The following TRIM6 variants were observed in gnomAD, a reference collection of about 807,000 sequenced individuals.
TRIM6 encodes the protein tripartite motif-containing protein 6.
TRIM6 carries 43 observed loss-of-function variants against 51.2 expected under a neutral mutation model. That is an observed-to-expected ratio of 0.84 (90% CI 0.66 to 1.08). The LOEUF is 1.08. Among genes scored for constraint, TRIM6 ranks in the 50% least tolerant of loss-of-function variants. TRIM6 has a pLI of 0.00. For missense variants in TRIM6, 669 were observed against 619.0 expected (o/e 1.08, Z -0.86); for synonymous variants, 215 against 232.4 (o/e 0.93, Z 0.68).
chr11:5,599,925 T>C (rs1847732662), intron 1 of TRIM6, among the ~76,000 whole-genome samples: 1 of 152,108 alleles, frequency 6.6e-6, no homozygotes, highest in Non-Finnish European at 1.5e-5. Flanking sequence ...ATTGCCTCTA[T>C]TATCAAAGGC....
intron 5 of TRIM6, among the ~76,000 whole-genome samples, chr11:5,609,777 G>A (rs1392488300): frequency 6.6e-6 from 1 of 152,136 alleles, no homozygotes; most frequent in African/African-American, 2.4e-5. Flanking sequence ...AAGAAAATTA[G>A]CCAGGCGTGG....
At chr11:5,597,862 T>C (rs558140180) in intron 1 of TRIM6, among the ~76,000 whole-genome samples, 2 of 152,312 alleles carry the variant, frequency 1.3e-5, no homozygotes, top group African/African-American at 4.8e-5. Flanking sequence ...GGAAAGAAGG[T>C]CCTTTATCTA....
Position 5,610,138 on chromosome 11 carries a change from T to A in TRIM6, c.858-7T>A, listed in dbSNP as rs1457719738. 6.2e-7 allele frequency: 1 copy of A among 1,613,880 alleles called. No homozygotes were observed. Among genetic ancestry groups the A allele is most frequent in the Admixed American group, 1.7e-5 (1 of 60,008 alleles). ...GTGTGGGAACTCAGAAGTCCTGTCC[T>A]TTCTAGGAGTGAGTTCTGGACCCTG... is the stretch of plus-strand genomic sequence containing the variant. On this transcript the variant is annotated splice_region_variant and splice_polypyrimidine_tract_variant and intron_variant, in intron 5 of 7. Transcript: ENST00000380097.
chr11:5,610,160 C>T lies in TRIM6; in HGVS notation c.873C>T (p.Thr291=), dbSNP rs763034281. ...TCCTTTCTAGGAGTGAGTTCTGGACCCTGAGGAAGCCAGAAGCTCTCCCTA... is the reference window on the plus strand; with the variant it reads ...TCCTTTCTAGGAGTGAGTTCTGGACTCTGAGGAAGCCAGAAGCTCTCCCTA... ...SDVTERSEFW[T]LRKPEALPTK... The change falls in exon 6 of 8, where the codon ACC becomes ACT. Residue 291 remains threonine, a synonymous_variant. Transcript: ENST00000380097. 2.5e-6 allele frequency: 4 copies of T among 1,613,976 alleles called. No homozygotes were observed. The South Asian group carries it at 3.3e-5, about 13-fold the overall frequency.
intron 1 of TRIM6, among the ~76,000 whole-genome samples, chr11:5,600,590 T>C (rs1006098137): frequency 7.9e-5 from 12 of 152,196 alleles, no homozygotes; most frequent in African/African-American, 2.9e-4. Context: ...AAGGGGAGTG[T>C]TGTTATTGGG....
At chr11:5,602,581 G>A (rs777003016) in intron 1 of TRIM6, among the ~76,000 whole-genome samples, 4 of 151,850 alleles carry the variant, frequency 2.6e-5, no homozygotes, top group South Asian at 2.1e-4. Flanking sequence ...TTTACATCAC[G>A]AACGACAAAT....
At chr11:5,604,105 C>T (rs574566785) in intron 2 of TRIM6, among the ~76,000 whole-genome samples, 126 of 152,272 alleles carry the variant, frequency 8.3e-4, no homozygotes, top group Non-Finnish European at 8.1e-4. Context: ...AAGCAGTTCT[C>T]GTGCCTGGCC....
chr11:5,610,678 A>T, intron 7 of TRIM6, 99 bp from the exon 8 acceptor site: 1 of 1,568,402 alleles, frequency 6.4e-7, no homozygotes, highest in African/African-American at 1.4e-5. Flanking sequence ...CCCGCCATAT[A>T]GTTCCAGTTC....
intron 1 of TRIM6, among the ~76,000 whole-genome samples, chr11:5,602,314 G>T (rs928057504): frequency 3.3e-5 from 5 of 151,964 alleles, no homozygotes; most frequent in Non-Finnish European, 5.9e-5. Flanking sequence ...ATAGTGGCAG[G>T]CACCTGTAAT....
In TRIM6 at chr11:5,596,741, G is replaced by A; in HGVS notation, c.-157G>A. 8.6e-7 allele frequency: 1 copy of A among 1,158,090 alleles called. No individual in the cohort carries two copies. Among genetic ancestry groups the A allele is most frequent in the Non-Finnish European group, 1.2e-6 (1 of 802,588 alleles). 71.7% of individuals were successfully genotyped at this position (1,158,090 alleles called of 1,614,324 possible). A position where few individuals can be genotyped will look rare whatever the true frequency, so the allele number is the denominator to read the frequency against. ...AGGGATCCCCTGCCTTTCTCGGAAC[G>A]GAACGGAGCAGAGTCGTGCGTGGTT... is the stretch of plus-strand genomic sequence containing the variant. On this transcript the variant is annotated 5_prime_UTR_variant, in exon 1 of 8. Coordinates refer to ENST00000380097, the MANE Select transcript of TRIM6 (RefSeq NM_001003818.3).
In TRIM6 at chr11:5,603,675, G is replaced by T; in HGVS notation, c.447G>T (p.Arg149=). 1 of 1,613,420 alleles carries T rather than the reference G, an allele frequency of 6.2e-7. No individual in the cohort carries two copies. The highest frequency in any genetic ancestry group is 8.5e-7 in the Non-Finnish European group (1 of 1,179,946). The change falls in exon 2 of 8, where the codon CGG becomes CGT. Residue 149 remains arginine, a synonymous_variant. Coordinates refer to ENST00000380097, the MANE Select transcript of TRIM6 (RefSeq NM_001003818.3). ...DGKVICWLCE[R]SQEHRGHHTF... ...AGGTCATTTGCTGGCTTTGTGAGCG[G>T]TCTCAGGAGCACCGTGGTCACCACA...
rs138509220 is a variant in TRIM6 at position 5,603,518 on chromosome 11, G to C, written c.290G>C (p.Arg97Pro). 6.2e-7 allele frequency: 1 copy of C among 1,614,078 alleles called. No individual in the cohort carries two copies. Among genetic ancestry groups the C allele is most frequent in the East Asian group, 2.2e-5 (1 of 44,854 alleles). The part of the protein sequence containing the change: ...CQTSYQPGNL[R>P]PNRHLANIVR... ...ACCAGCTACCAGCCAGGGAACCTGC[G>C]GCCTAATCGGCATCTGGCCAACATA... is the stretch of plus-strand genomic sequence containing the variant. Residue 97 changes from arginine (R) to proline (P), a missense_variant, in exon 2 of 8, where the codon CGG becomes CCG. Physicochemically the swap from Arg to Pro is moderately radical, Grantham distance 103 (BLOSUM62 -2). Transcript: ENST00000380097.
At chr11:5,607,747 G>A (rs1358746152) in intron 4 of TRIM6, among the ~76,000 whole-genome samples, 1 of 152,172 alleles carries the variant, frequency 6.6e-6, no homozygotes, top group African/African-American at 2.4e-5. Context: ...TGATTCAGTA[G>A]GATGGAAGGG....
intron 5 of TRIM6, 142 bp from the exon 6 acceptor site, chr11:5,610,003 C>A: frequency 1.3e-6 from 1 of 759,396 alleles, no homozygotes; most frequent in Non-Finnish European, 2.1e-6. Flanking sequence ...GGCTCCAGTG[C>A]CAGGGCTGTT....
chr11:5,603,836 C>T (rs1848028676), intron 2 of TRIM6, 101 bp downstream of exon 2: 6 of 1,479,388 alleles, frequency 4.1e-6, no homozygotes, highest in Middle Eastern at 1.8e-4. Context: ...TCTTTATTTA[C>T]CTAGAGAATG....
rs562059497 is a variant in TRIM6 at position 5,605,849 on chromosome 11, C to G, written c.834+282C>G. ...TTCTGTTGTATCCAGTGATGTTGTTCTTTCTTTCTCAGTCTTGGCACTATT... is the reference window on the plus strand; with the variant it reads ...TTCTGTTGTATCCAGTGATGTTGTTGTTTCTTTCTCAGTCTTGGCACTATT... On this transcript the variant is annotated intron_variant, in intron 4 of 7. Coordinates refer to ENST00000380097, the MANE Select transcript of TRIM6 (RefSeq NM_001003818.3). Among the ~76,000 whole-genome samples, 94 of 152,312 alleles carry G rather than the reference C, an allele frequency of 6.2e-4. 1 individual carries two copies. The highest frequency in any genetic ancestry group is 2.1e-4 in the Non-Finnish European group (14 of 68,020).
In TRIM6 at chr11:5,596,768, A is replaced by T; in HGVS notation, c.-130A>T. On this transcript the variant is annotated 5_prime_UTR_variant, in exon 1 of 8. An upstream open reading frame in the 5' UTR loses its in-frame stop. Coordinates refer to ENST00000380097, the MANE Select transcript of TRIM6 (RefSeq NM_001003818.3). Reference sequence around the variant, plus strand: ...AACGGAGCAGAGTCGTGCGTGGTTGAGTTTAGATAAAAGCCGAGTGAGCGC... The same window carrying T: ...AACGGAGCAGAGTCGTGCGTGGTTGTGTTTAGATAAAAGCCGAGTGAGCGC... The T allele has an allele frequency of 4.3e-6, 6 of 1,399,106 alleles. No homozygotes were observed. The highest frequency in any genetic ancestry group is 2.3e-5 in the East Asian group (1 of 43,428). 86.7% of individuals were successfully genotyped at this position (1,399,106 alleles called of 1,614,324 possible). A position where few individuals can be genotyped will look rare whatever the true frequency, so the allele number is the denominator to read the frequency against.
At chr11:5,602,179 G>A (rs1393382013) in intron 1 of TRIM6, among the ~76,000 whole-genome samples, 7 of 152,206 alleles carry the variant, frequency 4.6e-5, no homozygotes, top group East Asian at 1.9e-4. Context: ...AGTGGCTCAT[G>A]CCTGTAGTCC....
At position 5,605,563 on chromosome 11, in the gene TRIM6, T is replaced by A; in HGVS notation, c.830T>A (p.Leu277Gln). Residue 277 changes from leucine to glutamine, a missense_variant, in exon 4 of 8, where the codon CTG (leucine) becomes CAG (glutamine). Transcript: ENST00000380097. Reference sequence around the variant, plus strand: ...TGTCAGGGGTCAACAATGGAGCTGCTGCAGGTAAGGCTTGTGAAGGAGCCC... The same window carrying A: ...TGTCAGGGGTCAACAATGGAGCTGCAGCAGGTAAGGCTTGTGAAGGAGCCC... ...RRCQGSTMELLQDVSDVTERS... is the reference protein window; with the variant it reads ...RRCQGSTMELQQDVSDVTERS... 1 of 1,613,572 alleles carries A rather than the reference T, an allele frequency of 6.2e-7. No homozygotes were observed. The highest frequency in any genetic ancestry group is 8.5e-7 in the Non-Finnish European group (1 of 1,179,836).
Sources: gnomAD v4.1 joint callset for allele counts (sites outside exome capture counted in the v4.1 genomes callset) on GRCh38, gnomAD v4.1.1 for gene constraint, MANE v1.5 for transcripts, NCBI Gene and HGNC (gene_info 2026-07-23, HGNC 2026-07-21) for gene names.